The following TANC1 variants were observed in gnomAD, a reference collection of about 807,000 sequenced individuals.
TANC1 encodes the protein protein TANC1.
In TANC1, 77 loss-of-function variants were observed where a neutral mutation model predicts 149.7. The observed-to-expected ratio is 0.51, with a 90% CI of 0.43 to 0.62. The LOEUF is 0.62. TANC1 is among the 20% of genes least tolerant of loss of function. TANC1 has a pLI of 0.00. For missense variants in TANC1, 1,985 were observed against 2,321.8 expected, an observed-to-expected ratio of 0.85 and a Z score of 2.98; for synonymous variants, 854 against 925.0, an observed-to-expected ratio of 0.92 and a Z score of 1.39.
chr2:159,148,968 C>T (rs367718661), intron 5 of TANC1, 174 bp from the exon 6 acceptor site: 2 of 664,212 alleles, frequency 3.0e-6, no homozygotes, highest in Middle Eastern at 4.4e-4. Context: ...TAACCTGTCA[C>T]AGTCCCTTAA....
At chr2:159,178,497 TTAAAA>T in intron 13 of TANC1, 54 bp from the exon 14 acceptor site, 2 of 1,507,466 alleles carry the variant, frequency 1.3e-6, no homozygotes, top group Non-Finnish European at 1.8e-6. Flanking sequence ...TAAAATGCTG[TTAAAA>T]TAAAAAAGGA....
In TANC1 at chr2:159,149,204, G is replaced by A. The variant is rs1426499393; in HGVS notation, c.427G>A (p.Gly143Arg). 6.2e-7 allele frequency: 1 copy of A among 1,613,902 alleles called. No homozygotes were observed. Among genetic ancestry groups the A allele is most frequent in the Non-Finnish European group, 8.5e-7 (1 of 1,179,932 alleles). ...PAAQELLTRL[G>R]FLLGEGIPSA... ...AGCTCAAGAACTGTTGACAAGGCTGGGATTTTTACTGGGAGAAGGGATCCC... is the reference window on the plus strand; with the variant it reads ...AGCTCAAGAACTGTTGACAAGGCTGAGATTTTTACTGGGAGAAGGGATCCC... The change falls in exon 6 of 27, where the codon GGA (glycine) becomes AGA (arginine). Residue 143 changes from glycine (G) to arginine (R), a missense_variant. This residue lies in a region of TANC1 where 557 missense variants were observed against 612.9 expected (regional missense o/e 0.91). Transcript: ENST00000263635.
rs78244270 is a variant in TANC1, at chr2:158,986,181, C to G, written c.-125-14899C>G. Among the ~76,000 whole-genome samples, 623 of 152,268 alleles carry G rather than the reference C, an allele frequency of 4.1e-3. 9 individuals carry two copies. The East Asian group carries it at 0.051, about 12-fold the overall frequency. ...GTGGCTCCCTATCAATTTCACTTAA[C>G]AAGACGGAATGAGAACATGAAGAAG... On this transcript the variant is annotated intron_variant, in intron 1 of 26. Coordinates refer to ENST00000263635, the MANE Select transcript of TANC1 (RefSeq NM_033394.3).
intron 4 of TANC1, among the ~76,000 whole-genome samples, chr2:159,135,457 C>G (rs2050569484): frequency 1.3e-5 from 2 of 152,262 alleles, no homozygotes; most frequent in Non-Finnish European, 2.9e-5. Flanking sequence ...CTGCACTTAA[C>G]CTTTTGAACG....
At chr2:159,124,303 C>T (rs1037353721) in intron 4 of TANC1, among the ~76,000 whole-genome samples, 3 of 152,110 alleles carry the variant, frequency 2.0e-5, no homozygotes, top group Non-Finnish European at 4.4e-5. Context: ...GAGATCGCAC[C>T]ACTGCACTCC....
At chr2:159,056,179 G>T in intron 2 of TANC1, 1 of 238,584 alleles carries the variant, frequency 4.2e-6, no homozygotes, top group South Asian at 6.8e-5. Context: ...CGTCATAGAT[G>T]GGAAAATCCA....
rs752812596 is a variant in TANC1 at position 159,001,984 on chromosome 2, T to C, written c.-16+795T>C. Among the ~76,000 whole-genome samples the C allele has an allele frequency of 2.6e-5, 4 of 152,136 alleles. No individual in the cohort carries two copies. Among genetic ancestry groups the C allele is most frequent in the Non-Finnish European group, 4.4e-5 (3 of 68,024 alleles). On this transcript the variant is annotated intron_variant, in intron 2 of 26. Transcript: ENST00000263635. This position sits in a 1 kb window ranked among gnomAD's most constrained non-coding sequence, Gnocchi z 4.3. The stretch of plus-strand genomic sequence containing the variant: ...TAGACCAAAGGAATGAGAAGTCGGA[T>C]GGACAGGACCATCCTCCAGTGTCCA...
At chr2:159,119,108 C>T (rs1428650530) in intron 4 of TANC1, among the ~76,000 whole-genome samples, 4 of 152,172 alleles carry the variant, frequency 2.6e-5, no homozygotes. Flanking sequence ...TCATATTTTT[C>T]TTTGGTATAG....
Position 159,124,659 on chromosome 2 carries a change from A to C in TANC1, c.260-11535A>C, listed in dbSNP as rs751717097. ...GAAGATCGATCTTTCCTCCAGGGATATCTTTAAATCAAAGTTTGTGGTTGT... is the reference window on the plus strand; with the variant it reads ...GAAGATCGATCTTTCCTCCAGGGATCTCTTTAAATCAAAGTTTGTGGTTGT... On this transcript the variant is annotated intron_variant, in intron 4 of 26. Transcript: ENST00000263635. Among the ~76,000 whole-genome samples the C allele has an allele frequency of 1.8e-4, 28 of 152,182 alleles. 1 individual carries two copies. Among genetic ancestry groups the C allele is most frequent in the Non-Finnish European group, 2.8e-4 (19 of 68,028 alleles).
rs1475400023 is a variant in TANC1 at position 159,185,879 on chromosome 2, C to T, written c.2599C>T (p.Leu867=). ...GACCATGGAGCTTGGCCACCACATCCTGAAGGCGCACATTTTCAAGGTGAG... is the reference window on the plus strand; with the variant it reads ...GACCATGGAGCTTGGCCACCACATCTTGAAGGCGCACATTTTCAAGGTGAG... ...QQTMELGHHI[L]KAHIFKGLSK... The change falls in exon 15 of 27, where the codon CTG becomes TTG. Residue 867 remains leucine, a synonymous_variant. Coordinates refer to ENST00000263635, the MANE Select transcript of TANC1 (RefSeq NM_033394.3). 1.2e-6 allele frequency: 2 copies of T among 1,613,736 alleles called. No homozygotes were observed. Among genetic ancestry groups the T allele is most frequent in the South Asian group, 2.2e-5 (2 of 91,056 alleles).
At chr2:159,129,856 C>T (rs1211386382) in intron 4 of TANC1, among the ~76,000 whole-genome samples, 1 of 152,226 alleles carries the variant, frequency 6.6e-6, no homozygotes, top group Non-Finnish European at 1.5e-5. Context: ...GCTCCACTCA[C>T]AGCCACTGCA....
chr2:159,074,568 A>G (rs2043459688), intron 3 of TANC1, among the ~76,000 whole-genome samples: 1 of 152,134 alleles, frequency 6.6e-6, no homozygotes, highest in Non-Finnish European at 1.5e-5. Context: ...AAAATTAAGG[A>G]ATTTATGTTA....
chr2:159,099,301 C>T (rs1397563688), intron 4 of TANC1, among the ~76,000 whole-genome samples: 1 of 152,158 alleles, frequency 6.6e-6, no homozygotes, highest in Non-Finnish European at 1.5e-5. Flanking sequence ...GTCCTTCCTT[C>T]TTTGCCCTCC....
At chr2:159,081,046 CT>C (rs2044222629) in intron 3 of TANC1, among the ~76,000 whole-genome samples, 1 of 152,214 alleles carries the variant, frequency 6.6e-6, no homozygotes, top group Non-Finnish European at 1.5e-5. Context: ...CCACATCCTC[CT>C]CTCAGGAGGA....
intron 16 of TANC1, 97 bp from the exon 17 acceptor site, chr2:159,194,160 G>A: frequency 2.1e-6 from 2 of 930,908 alleles, no homozygotes; most frequent in Non-Finnish European, 3.5e-6. Context: ...AGAACCACTG[G>A]ATTAAAATGA....
At chr2:159,156,293 C>G (rs1403444973) in intron 7 of TANC1, among the ~76,000 whole-genome samples, 4 of 151,970 alleles carry the variant, frequency 2.6e-5, no homozygotes, top group African/African-American at 9.7e-5. Context: ...TTTTTAAAAT[C>G]TCTTGGGTGA....
chr2:159,214,766 C>T (rs902736278), intron 19 of TANC1, among the ~76,000 whole-genome samples: 1 of 152,198 alleles, frequency 6.6e-6, no homozygotes, highest in Admixed American at 6.5e-5. Context: ...CTTGTTACCT[C>T]CTCTGGTCCA....
At chr2:159,195,689 C>A (rs1361874752) in intron 17 of TANC1, among the ~76,000 whole-genome samples, 1 of 152,164 alleles carries the variant, frequency 6.6e-6, no homozygotes, top group Non-Finnish European at 1.5e-5. Flanking sequence ...GTGGCTAAGC[C>A]TTTGGGGTGG....
intron 4 of TANC1, among the ~76,000 whole-genome samples, chr2:159,112,003 TTG>T (rs2047777420): frequency 1.3e-5 from 2 of 152,328 alleles, no homozygotes; most frequent in South Asian, 4.1e-4. Flanking sequence ...GAATCTCCTG[TTG>T]TGTCAGTCAG....
Sources: gnomAD v4.1 joint callset for allele counts (sites outside exome capture counted in the v4.1 genomes callset) on GRCh38, gnomAD v4.1.1 for gene constraint, gnomAD v4.1.1 regional missense constraint, Gnocchi (gnomAD v3.1) non-coding constraint, MANE v1.5 for transcripts, NCBI Gene and HGNC (gene_info 2026-07-23, HGNC 2026-07-21) for gene names.